Variants in PAPPA2 observed in about 807,000 individuals in gnomAD.
PAPPA2 encodes pappalysin-2.
PAPPA2 carries 86 observed loss-of-function variants against 176.4 expected under a neutral mutation model. That is an observed-to-expected ratio of 0.49 (90% CI 0.41 to 0.58). The LOEUF (loss-of-function observed/expected upper bound fraction) is 0.58, where lower values mean the gene tolerates loss of function less well. PAPPA2 is among the 20% of genes least tolerant of loss of function. PAPPA2 has a pLI of 0.00. For missense variants in PAPPA2, 2,073 were observed against 2,256.9 expected (o/e 0.92, Z 1.65); for synonymous variants, 809 against 852.2 (o/e 0.95, Z 0.88).
At chr1:176,648,207 G>A (rs1657523615) in intron 3 of PAPPA2, among the ~76,000 whole-genome samples, 1 of 151,402 alleles carries the variant, frequency 6.6e-6, no homozygotes, top group South Asian at 2.1e-4. Context: ...ACAGTAAATA[G>A]GATTGCTTTC....
At chr1:176,808,611 TG>T (rs1666010873) in intron 21 of PAPPA2, among the ~76,000 whole-genome samples, 1 of 152,226 alleles carries the variant, frequency 6.6e-6, no homozygotes, top group Non-Finnish European at 1.5e-5. Flanking sequence ...AGCATGGCTC[TG>T]GTCTTGAGAC....
intron 3 of PAPPA2, among the ~76,000 whole-genome samples, chr1:176,656,002 T>A (rs1232407180): frequency 2.0e-5 from 3 of 151,864 alleles, no homozygotes; most frequent in African/African-American, 7.2e-5. Flanking sequence ...ATTTAATTTT[T>A]AAAATAAAGC....
intron 21 of PAPPA2, among the ~76,000 whole-genome samples, chr1:176,802,884 C>T (rs557788976): frequency 1.8e-4 from 27 of 152,316 alleles, no homozygotes; most frequent in African/African-American, 6.5e-4. Context: ...TGAGGTGCCA[C>T]TAAGACTTTC....
chr1:176,770,875 C>A lies in PAPPA2; in HGVS notation c.4502-92C>A, dbSNP rs372059443. On this transcript the variant is annotated intron_variant, in intron 16 of 22. Coordinates refer to ENST00000367662, the MANE Select transcript of PAPPA2 (RefSeq NM_020318.3). ...GAATAATATGACTTTTGAAAGGCAC[C>A]AGTAAGTTCAGAGGTTTTTATTTCA... 14 of 1,189,136 alleles carry A rather than the reference C, an allele frequency of 1.2e-5. No individual in the cohort carries two copies. In the African/African-American group the frequency reaches 1.8e-4, roughly 15 times the overall value. 73.7% of individuals were successfully genotyped at this position (1,189,136 alleles called of 1,614,324 possible). A position where few individuals can be genotyped will look rare whatever the true frequency, so the allele number is the denominator to read the frequency against.
intron 17 of PAPPA2, among the ~76,000 whole-genome samples, chr1:176,778,937 G>A (rs1275602216): frequency 6.6e-6 from 1 of 152,130 alleles, no homozygotes; most frequent in Non-Finnish European, 1.5e-5. Flanking sequence ...CACAGTGATT[G>A]AATCTCTGCC....
intron 1 of PAPPA2, among the ~76,000 whole-genome samples, chr1:176,531,384 T>C (rs1314299860): frequency 6.6e-6 from 1 of 152,200 alleles, no homozygotes; most frequent in African/African-American, 2.4e-5. Flanking sequence ...GTCTGGGCGC[T>C]AGGGTGTATA....
rs993153918 is a variant in PAPPA2, at chr1:176,556,338, A to G, written c.16A>G (p.Ile6Val). Reference sequence around the variant, plus strand: ...TAGGGGAGGTATGATGTGCTTAAAGATCCTAAGAATAAGCCTGGCGATTTT... The same window carrying G: ...TAGGGGAGGTATGATGTGCTTAAAGGTCCTAAGAATAAGCCTGGCGATTTT... MMCLK[I>V]LRISLAILAG... is the part of the protein sequence containing the mutation. Residue 6 changes from isoleucine (I) to valine (V), a missense_variant, in exon 2 of 23, where the codon ATC (isoleucine) becomes GTC (valine). Transcript: ENST00000367662. The G allele has an allele frequency of 6.2e-7, 1 of 1,613,866 alleles. No homozygotes were observed. Among genetic ancestry groups the G allele is most frequent in the African/African-American group, 1.3e-5 (1 of 75,034 alleles).
At chr1:176,708,956 G>A (rs929567359) in intron 10 of PAPPA2, among the ~76,000 whole-genome samples, 30 of 152,122 alleles carry the variant, frequency 2.0e-4, no homozygotes, top group African/African-American at 7.2e-4. Flanking sequence ...AATTTGAATT[G>A]TGCCATTAAT....
intron 21 of PAPPA2, among the ~76,000 whole-genome samples, chr1:176,833,242 C>T (rs1386107702): frequency 6.6e-6 from 1 of 152,202 alleles, no homozygotes; most frequent in Non-Finnish European, 1.5e-5. Flanking sequence ...AGTGACTTAG[C>T]CAAGGGCTGG....
intron 4 of PAPPA2, among the ~76,000 whole-genome samples, chr1:176,681,935 TG>T (rs1188797618): frequency 6.6e-6 from 1 of 152,106 alleles, no homozygotes; most frequent in Non-Finnish European, 1.5e-5. Context: ...CTCACAGGGT[TG>T]GTACGGGTAG....
intron 21 of PAPPA2, among the ~76,000 whole-genome samples, chr1:176,831,290 C>T (rs747026614): frequency 3.9e-5 from 6 of 152,142 alleles, no homozygotes; most frequent in Admixed American, 1.3e-4. Flanking sequence ...TCAGCAAGGC[C>T]TCTGAGTCAG....
intron 2 of PAPPA2, among the ~76,000 whole-genome samples, chr1:176,563,751 G>A (rs569080639): frequency 2.7e-4 from 41 of 152,280 alleles, no homozygotes; most frequent in African/African-American, 8.7e-4. Context: ...ATGTAAGTAC[G>A]TCTTGCACAG....
intron 3 of PAPPA2, among the ~76,000 whole-genome samples, chr1:176,623,783 C>T (rs1417249197): frequency 9.4e-6 from 1 of 105,882 alleles, no homozygotes; most frequent in African/African-American, 3.6e-5. Context: ...TTCTTTCTTT[C>T]TTTCTTTCTT....
At chr1:176,825,823 A>T (rs1016924366) in intron 21 of PAPPA2, among the ~76,000 whole-genome samples, 2 of 152,226 alleles carry the variant, frequency 1.3e-5, no homozygotes, top group African/African-American at 4.8e-5. Context: ...AAAAATGTCA[A>T]AGTCACTAAG....
intron 1 of PAPPA2, among the ~76,000 whole-genome samples, chr1:176,475,744 T>G (rs1652086984): frequency 6.6e-6 from 1 of 152,178 alleles, no homozygotes; most frequent in Non-Finnish European, 1.5e-5. Context: ...TTTAGGGTGT[T>G]CTTTTGCTTT....
Position 176,467,607 on chromosome 1 carries a change from C to A in PAPPA2, c.-917+4189C>A, listed in dbSNP as rs568737635. Among the ~76,000 whole-genome samples the A allele has an allele frequency of 7.2e-5, 11 of 152,144 alleles. 1 individual carries two copies. The highest frequency in any genetic ancestry group is 7.2e-4 in the Admixed American group (11 of 15,260). ...GATGCCTCATTTATTCAGTTGACAG[C>A]GCCAGGTGCTAGTGACTATAAGGTG... On this transcript the variant is annotated intron_variant, in intron 1 of 22. Coordinates refer to ENST00000367662, the MANE Select transcript of PAPPA2 (RefSeq NM_020318.3).
At chr1:176,700,978 G>T (rs1300022556) in intron 8 of PAPPA2, among the ~76,000 whole-genome samples, 3 of 151,786 alleles carry the variant, frequency 2.0e-5, no homozygotes, top group Admixed American at 6.6e-5. Context: ...AAAGAAAAAA[G>T]ATGTCATTTT....
intron 3 of PAPPA2, among the ~76,000 whole-genome samples, chr1:176,625,318 C>A (rs1419205766): frequency 6.6e-6 from 1 of 152,150 alleles, no homozygotes; most frequent in African/African-American, 2.4e-5. Flanking sequence ...CAGAGAAGGA[C>A]TGTCATTTTG....
chr1:176,496,539 C>G (rs571812092), intron 1 of PAPPA2, among the ~76,000 whole-genome samples: 1 of 151,952 alleles, frequency 6.6e-6, no homozygotes, highest in South Asian at 2.1e-4. Context: ...CAGCAACAGG[C>G]CTGTTTCTCA....
Sources: allele counts gnomAD v4.1 joint callset (sites outside exome capture counted in the v4.1 genomes callset), GRCh38; gene constraint gnomAD v4.1.1; transcripts MANE v1.5; gene names NCBI Gene and HGNC (gene_info 2026-07-23, HGNC 2026-07-21).